Variants in STARD8 observed in about 807,000 individuals in gnomAD.
STARD8 encodes the protein stAR-related lipid transfer protein 8.
STARD8 carries 25 observed loss-of-function variants against 69.4 expected under a neutral mutation model. The observed-to-expected ratio is 0.36, with a 90% CI of 0.26 to 0.50. The LOEUF (loss-of-function observed/expected upper bound fraction) is 0.50, where lower values mean the gene tolerates loss of function less well. Among genes scored for constraint, STARD8 ranks in the 20% least tolerant of loss-of-function variants. The probability of loss-of-function intolerance (pLI) is 0.96; values close to 1 mark genes in which losing one functional copy is unlikely to be tolerated. For missense variants in STARD8, 921 were observed against 932.5 expected (o/e 0.99, Z 0.16); for synonymous variants, 389 against 374.6 (o/e 1.04, Z -0.45).
intron 1 of STARD8, among the ~76,000 whole-genome samples, chrX:68,651,541 G>A (rs1486608514): frequency 2.7e-5 from 3 of 111,652 alleles, no homozygotes; most frequent in Non-Finnish European, 5.7e-5. Context: ...TGAGGGGTGG[G>A]GAATGGCCGG....
intron 2 of STARD8, among the ~76,000 whole-genome samples, chrX:68,702,891 T>C (rs1412656980): frequency 1.8e-5 from 2 of 111,846 alleles, no homozygotes; most frequent in South Asian, 7.6e-4. Context: ...ACTGTATAAC[T>C]ATTAGTGTCT....
intron 1 of STARD8, among the ~76,000 whole-genome samples, chrX:68,661,966 C>T (rs766380630): frequency 2.9e-3 from 208 of 71,873 alleles, no homozygotes; most frequent in African/African-American, 0.016. Flanking sequence ...CTCTCTCTCT[C>T]TCTCTCTTTC....
At chrX:68,717,180 T>C in intron 5 of STARD8, 32 bp from the exon 6 acceptor site, 2 of 1,153,301 alleles carry the variant, frequency 1.7e-6, no homozygotes, top group South Asian at 4.1e-5. Flanking sequence ...GGCCTGGGCT[T>C]CTCTGACCTG....
intron 2 of STARD8, among the ~76,000 whole-genome samples, chrX:68,709,475 T>C (rs1161894979): frequency 1.8e-5 from 2 of 112,203 alleles, no homozygotes; most frequent in Non-Finnish European, 3.8e-5. Context: ...GGGCTTTTAC[T>C]TTCTGTAGTA....
At position 68,723,606 on chromosome X, in the gene STARD8, C is replaced by G; in HGVS notation, c.2800-20C>G. ...TCCAGCCCTGACAGCTGCCCCCATC[C>G]CCACTCCTGTGGCTCACAGGCACCG... is the stretch of plus-strand genomic sequence containing the variant. On this transcript the variant is annotated intron_variant, in intron 12 of 14. Transcript: ENST00000374599. The G allele has an allele frequency of 2.6e-6, 3 of 1,164,789 alleles. No homozygotes were observed. In the South Asian group the frequency reaches 5.8e-5, roughly 23 times the overall value.
chrX:68,648,387 CTATTAT>C (rs750735740), intron 1 of STARD8, among the ~76,000 whole-genome samples: 1 of 111,039 alleles, frequency 9.0e-6, no homozygotes, highest in African/African-American at 3.3e-5. Context: ...ACAATGGTAT[CTATTAT>C]TATTATTATT....
intron 8 of STARD8, among the ~76,000 whole-genome samples, chrX:68,720,633 C>T (rs866194219): frequency 5.3e-5 from 6 of 113,345 alleles, no homozygotes; most frequent in Middle Eastern, 4.6e-3. Context: ...GTGCTACCTT[C>T]TTTCTGGCCC....
At chrX:68,721,416 C>T in intron 9 of STARD8, 120 bp from the exon 10 acceptor site, 1 of 760,490 alleles carries the variant, frequency 1.3e-6, no homozygotes, top group Non-Finnish European at 1.9e-6. Flanking sequence ...TGACATTTTC[C>T]CTTCCCTCTC....
chrX:68,669,780 T>A (rs749889669), intron 2 of STARD8, among the ~76,000 whole-genome samples: 1 of 112,206 alleles, frequency 8.9e-6, no homozygotes, highest in African/African-American at 3.2e-5. Context: ...GGGAGACAGA[T>A]TTGAACAGTA....
chrX:68,680,648 C>T (rs893778958), intron 2 of STARD8, among the ~76,000 whole-genome samples: 2 of 111,890 alleles, frequency 1.8e-5, no homozygotes, highest in African/African-American at 6.5e-5. Context: ...TGTGTTGGTG[C>T]TGTGCCCTGC....
intron 2 of STARD8, among the ~76,000 whole-genome samples, chrX:68,693,105 G>A (rs180773472): frequency 0.013 from 1,506 of 112,776 alleles, 15 homozygotes; most frequent in Middle Eastern, 0.065. Flanking sequence ...AATTTTCCAT[G>A]CATTTCTCTG....
chrX:68,679,394 A>T (rs2079786653), intron 2 of STARD8, among the ~76,000 whole-genome samples: 1 of 111,339 alleles, frequency 9.0e-6, no homozygotes, highest in Non-Finnish European at 1.9e-5. Context: ...GATCTAGTCC[A>T]TCTAAACTTT....
chrX:68,698,026 C>G (rs1269398577), intron 2 of STARD8, among the ~76,000 whole-genome samples: 1 of 112,453 alleles, frequency 8.9e-6, no homozygotes, highest in African/African-American at 3.2e-5. Flanking sequence ...TGGTCATTAA[C>G]TAACTCCCTG....
chrX:68,705,087 ACT>A (rs2079995370), intron 2 of STARD8, among the ~76,000 whole-genome samples: 1 of 111,662 alleles, frequency 9.0e-6, no homozygotes, highest in Non-Finnish European at 1.9e-5. Flanking sequence ...CATTAAAACA[ACT>A]CTCTCTTTCC....
intron 2 of STARD8, among the ~76,000 whole-genome samples, chrX:68,670,153 CA>C (rs1479528733): frequency 8.9e-6 from 1 of 111,991 alleles, no homozygotes; most frequent in African/African-American, 3.2e-5. Flanking sequence ...TGAATTCAGC[CA>C]AGGTAAAAAT....
chrX:68,679,204 C>T (rs886256201), intron 2 of STARD8, among the ~76,000 whole-genome samples: 2 of 111,560 alleles, frequency 1.8e-5, no homozygotes, highest in South Asian at 7.7e-4. Flanking sequence ...GACTTCTACC[C>T]CCCAAAATTG....
intron 2 of STARD8, among the ~76,000 whole-genome samples, chrX:68,697,343 T>C (rs2079928397): frequency 8.9e-6 from 1 of 111,912 alleles, no homozygotes; most frequent in African/African-American, 3.3e-5. Flanking sequence ...AGCTGAACCT[T>C]GGAAGAGAGG....
chrX:68,678,514 G>T (rs1477420557), intron 2 of STARD8, among the ~76,000 whole-genome samples: 1 of 112,153 alleles, frequency 8.9e-6, no homozygotes, highest in African/African-American at 3.2e-5. Flanking sequence ...TCTGCTGCCT[G>T]GTTTCTTCTT....
rs1267435392 is a variant in STARD8 at position 68,724,753 on chromosome X, C to T, written c.*331C>T. ...TTGGCATGAAGCCTCCACAGCTCCC[C>T]GCCTGCAGGGGCAAAGAGGTCGACA... On this transcript the variant is annotated 3_prime_UTR_variant, in exon 15 of 15. Transcript: ENST00000374599. The T allele has an allele frequency of 5.3e-5, 10 of 187,330 alleles. No individual in the cohort carries two copies. The South Asian group carries it at 5.5e-4, about 10-fold the overall frequency. 15.4% of individuals were successfully genotyped at this position (187,330 alleles called of 1,213,427 possible).
Sources: gnomAD v4.1 joint callset for allele counts (sites outside exome capture counted in the v4.1 genomes callset) on GRCh38, gnomAD v4.1.1 for gene constraint, MANE v1.5 for transcripts, NCBI Gene and HGNC (gene_info 2026-07-23, HGNC 2026-07-21) for gene names.